Variants in PDZD2 observed in about 807,000 individuals in gnomAD.
The protein encoded by PDZD2 is PDZ domain-containing protein 2.
Under a neutral mutation model 220.7 loss-of-function variants are expected in PDZD2, and 90 were observed. The observed-to-expected ratio is 0.41, with a 90% CI of 0.34 to 0.49. The LOEUF (loss-of-function observed/expected upper bound fraction) is 0.49. Ranked by LOEUF, PDZD2 falls within the 20% of genes least tolerant of loss-of-function variation. PDZD2 has a pLI of 0.28. For synonymous variants in PDZD2, 1,375 were observed against 1,450.5 expected, an observed-to-expected ratio of 0.95 and a Z score of 1.18; for missense variants, 3,174 against 3,608.5, an observed-to-expected ratio of 0.88 and a Z score of 3.08.
intron 2 of PDZD2, among the ~76,000 whole-genome samples, chr5:31,883,023 C>CAAAAAAAAAAAAAAAAAAAAA (rs781370177): frequency 2.1e-5 from 1 of 47,950 alleles, no homozygotes. Context: ...GACTCTGTCT[C>CAAAAAAAAAAAAAAAAAAAAA]AAAAAAAAAA....
intron 2 of PDZD2, among the ~76,000 whole-genome samples, chr5:31,954,307 A>T (rs1014661593): frequency 6.6e-6 from 1 of 152,186 alleles, no homozygotes; most frequent in Non-Finnish European, 1.5e-5. Flanking sequence ...CATGGTTAAC[A>T]CTCATAAATT....
chr5:31,999,275 GATTT>G (rs1751902462), intron 4 of PDZD2, among the ~76,000 whole-genome samples: 2 of 93,202 alleles, frequency 2.1e-5, no homozygotes, highest in Admixed American at 1.1e-4. Context: ...CGGGTGGCGG[GATTT>G]GTTTTTTTTT....
intron 1 of PDZD2, among the ~76,000 whole-genome samples, chr5:31,797,550 G>A (rs1372557007): frequency 6.6e-6 from 1 of 151,594 alleles, no homozygotes; most frequent in Non-Finnish European, 1.5e-5. Flanking sequence ...GGCCAGACTG[G>A]TCTCGAACTC....
rs113324903 is a variant in PDZD2 at position 32,061,294 on chromosome 5, G to A, written c.2451+160G>A. 6.3e-3 allele frequency among the ~76,000 whole-genome samples: 959 copies of A among 152,376 alleles called. 3 individuals carry two copies. The highest frequency in any genetic ancestry group is 0.011 in the Non-Finnish European group (742 of 68,040). Reference sequence around the variant, plus strand: ...CTCTAATCTGGACTTTGTCTTCACAGTCTTAGAAAATCTTACTAGAACATT... The same window carrying A: ...CTCTAATCTGGACTTTGTCTTCACAATCTTAGAAAATCTTACTAGAACATT... On this transcript the variant is annotated intron_variant, in intron 14 of 24. Coordinates refer to ENST00000438447, the MANE Select transcript of PDZD2 (RefSeq NM_178140.4).
chr5:31,658,492 G>A lies in PDZD2; in HGVS notation c.-361+19055G>A, dbSNP rs148077379. On this transcript the variant is annotated intron_variant, in intron 1 of 24. Coordinates refer to ENST00000438447, the MANE Select transcript of PDZD2 (RefSeq NM_178140.4). Reference sequence around the variant, plus strand: ...TGATCAGTATACTTTCTTTTCTGCCGTTAACCTCTCTGTGTCTGTGTTTCC... The same window carrying A: ...TGATCAGTATACTTTCTTTTCTGCCATTAACCTCTCTGTGTCTGTGTTTCC... Among the ~76,000 whole-genome samples, 40 of 152,164 alleles carry A rather than the reference G, an allele frequency of 2.6e-4. No homozygotes were observed. The East Asian group carries it at 3.7e-3, about 14-fold the overall frequency.
chr5:31,951,568 A>G (rs1332097507), intron 2 of PDZD2, among the ~76,000 whole-genome samples: 1 of 152,358 alleles, frequency 6.6e-6, no homozygotes, highest in South Asian at 2.1e-4. Context: ...TTCACTTAGC[A>G]TAATGGATTG....
intron 14 of PDZD2, among the ~76,000 whole-genome samples, chr5:32,064,439 C>T (rs924646577): frequency 6.6e-6 from 1 of 151,854 alleles, no homozygotes; most frequent in Admixed American, 6.6e-5. Context: ...GATGGGGTTT[C>T]ACCATGTTGG....
intron 5 of PDZD2, among the ~76,000 whole-genome samples, chr5:32,007,792 A>C (rs1047815542): frequency 2.0e-5 from 3 of 152,128 alleles, no homozygotes; most frequent in Non-Finnish European, 4.4e-5. Flanking sequence ...AGAGCCATGG[A>C]TTCGCTCTAG....
At chr5:31,931,639 CGAA>C (rs1443559406) in intron 2 of PDZD2, among the ~76,000 whole-genome samples, 2 of 151,978 alleles carry the variant, frequency 1.3e-5, no homozygotes, top group Non-Finnish European at 2.9e-5. Context: ...GAGGGAGGAA[CGAA>C]GAAGCTGGTA....
At chr5:31,881,279 A>C (rs1053881950) in intron 2 of PDZD2, among the ~76,000 whole-genome samples, 1 of 148,298 alleles carries the variant, frequency 6.7e-6, no homozygotes, top group Non-Finnish European at 1.5e-5. Context: ...GTCTCCCAGG[A>C]ATGTGTTTTT....
At chr5:32,105,606 G>A (rs1191448483) in intron 24 of PDZD2, among the ~76,000 whole-genome samples, 4 of 152,070 alleles carry the variant, frequency 2.6e-5, no homozygotes, top group East Asian at 3.8e-4. Context: ...AACTGGGACC[G>A]GCTCAAAAAC....
intron 8 of PDZD2, among the ~76,000 whole-genome samples, chr5:32,049,811 G>GA (rs924919235): frequency 6.6e-6 from 1 of 152,146 alleles, no homozygotes; most frequent in African/African-American, 2.4e-5. Flanking sequence ...TAAAAGCAGA[G>GA]AAAAAACTGG....
At chr5:31,923,577 G>A (rs35021533) in intron 2 of PDZD2, 56,623 of 813,136 alleles carry the variant, frequency 0.07, 2,337 homozygotes, top group African/African-American at 0.12. Context: ...TCAGTGGACA[G>A]CATGAAAGAT....
chr5:31,717,452 G>T (rs1748520949), intron 1 of PDZD2, among the ~76,000 whole-genome samples: 1 of 152,090 alleles, frequency 6.6e-6, no homozygotes, highest in African/African-American at 2.4e-5. Flanking sequence ...CTTGTCCTAG[G>T]GTCTTTGCTA....
chr5:32,100,260 C>T (rs1744132770), intron 23 of PDZD2: 2 of 159,918 alleles, frequency 1.3e-5, no homozygotes, highest in African/African-American at 4.8e-5. Flanking sequence ...TGGCTTCAGC[C>T]CTAGTGAACA....
intron 1 of PDZD2, among the ~76,000 whole-genome samples, chr5:31,678,508 G>C (rs781505568): frequency 6.6e-6 from 1 of 152,090 alleles, no homozygotes; most frequent in Non-Finnish European, 1.5e-5. Flanking sequence ...CTGGAGCCTG[G>C]GGACAGTCAG....
At chr5:31,743,836 A>G (rs775420213) in intron 1 of PDZD2, among the ~76,000 whole-genome samples, 4 of 152,224 alleles carry the variant, frequency 2.6e-5, no homozygotes, top group Non-Finnish European at 5.9e-5. Flanking sequence ...CTGAAAGACC[A>G]GGTATGCATG....
intron 24 of PDZD2, among the ~76,000 whole-genome samples, chr5:32,105,142 ACAATCAAT>A (rs539018133): frequency 2.0e-4 from 31 of 152,058 alleles, no homozygotes; most frequent in East Asian, 9.6e-4. Flanking sequence ...TCAAAAAAAA[ACAATCAAT>A]CAATCAATCA....
At chr5:31,830,168 C>CT (rs11350706) in intron 2 of PDZD2, among the ~76,000 whole-genome samples, 3,526 of 134,996 alleles carry the variant, frequency 0.026, 145 homozygotes, top group African/African-American at 0.089. Context: ...AATCCAATGG[C>CT]TTTTTTTTTT....
Sources: gnomAD v4.1 joint callset for allele counts (sites outside exome capture counted in the v4.1 genomes callset) on GRCh38, gnomAD v4.1.1 for gene constraint, MANE v1.5 for transcripts, NCBI Gene and HGNC (gene_info 2026-07-23, HGNC 2026-07-21) for gene names.